MSRB3: variants seen among roughly 807,000 people sequenced by gnomAD.
MSRB3 encodes methionine sulfoxide reductase B3, also known as methionine-R-sulfoxide reductase B3.
MSRB3 carries 13 observed loss-of-function variants against 21.0 expected under a neutral mutation model. The observed-to-expected ratio is 0.62, with a 90% confidence interval of 0.40 to 0.98. The LOEUF is 0.98. Ranked by LOEUF, MSRB3 falls within the 50% of genes least tolerant of loss-of-function variation. MSRB3 has a pLI of 0.00. For synonymous variants in MSRB3, 87 were observed against 88.6 expected (o/e 0.98, Z 0.10); for missense variants, 199 against 230.3 (o/e 0.86, Z 0.88).
intron 1 of MSRB3, chr12:65,286,451 A>T (rs1281918439): frequency 2.6e-5 from 4 of 152,212 alleles, no homozygotes; most frequent in African/African-American, 4.8e-5. Flanking sequence ...AATACTTTTT[A>T]AAAATTATAT....
At chr12:65,410,599 G>A (rs1375262861) in intron 5 of MSRB3, among the ~76,000 whole-genome samples, 13 of 152,066 alleles carry the variant, frequency 8.5e-5, no homozygotes, top group African/African-American at 3.1e-4. Context: ...AGCTAAGATC[G>A]CTCCACTACA....
At chr12:65,288,827 CTG>C (rs1872530243) in intron 1 of MSRB3, among the ~76,000 whole-genome samples, 1 of 152,070 alleles carries the variant, frequency 6.6e-6, no homozygotes, top group African/African-American at 2.4e-5. Context: ...AAAAACTTCA[CTG>C]TGAGTTTTAA....
At chr12:65,281,264 A>G (rs985636843) in intron 1 of MSRB3, among the ~76,000 whole-genome samples, 4 of 152,046 alleles carry the variant, frequency 2.6e-5, no homozygotes, top group Non-Finnish European at 5.9e-5. Flanking sequence ...AATTTATCAT[A>G]GTTATGGATT....
intron 1 of MSRB3, among the ~76,000 whole-genome samples, chr12:65,301,199 T>C (rs926013806): frequency 1.3e-5 from 2 of 152,162 alleles, no homozygotes; most frequent in African/African-American, 4.8e-5. Context: ...TTAAATAATA[T>C]ATATGGAGAC....
At chr12:65,338,202 A>G (rs1267079593) in intron 4 of MSRB3, among the ~76,000 whole-genome samples, 1 of 151,620 alleles carries the variant, frequency 6.6e-6, no homozygotes, top group African/African-American at 2.4e-5. Flanking sequence ...TTTTTTTTGT[A>G]TTTTCTGATT....
intron 5 of MSRB3, among the ~76,000 whole-genome samples, chr12:65,410,060 A>G (rs1322774880): frequency 6.6e-6 from 1 of 151,912 alleles, no homozygotes; most frequent in Non-Finnish European, 1.5e-5. Context: ...TTTGAAACCT[A>G]GTTTGTCATT....
chr12:65,429,691 C>T (rs1249186452), intron 5 of MSRB3, among the ~76,000 whole-genome samples: 1 of 152,066 alleles, frequency 6.6e-6, no homozygotes, highest in Non-Finnish European at 1.5e-5. Context: ...TGGGATTTTA[C>T]CAGATCTGGA....
At chr12:65,383,716 A>G (rs1879063777) in intron 5 of MSRB3, among the ~76,000 whole-genome samples, 1 of 148,902 alleles carries the variant, frequency 6.7e-6, no homozygotes, top group Non-Finnish European at 1.5e-5. Flanking sequence ...GCTAGAGTGC[A>G]GTGGCATGAT....
At chr12:65,341,496 A>G (rs1181676664) in intron 4 of MSRB3, among the ~76,000 whole-genome samples, 1 of 151,862 alleles carries the variant, frequency 6.6e-6, no homozygotes, top group Non-Finnish European at 1.5e-5. Context: ...TGAGACCTAG[A>G]ATTTGCTAGC....
At chr12:65,298,116 G>A (rs537944916) in intron 1 of MSRB3, among the ~76,000 whole-genome samples, 2 of 151,978 alleles carry the variant, frequency 1.3e-5, no homozygotes, top group Admixed American at 6.6e-5. Flanking sequence ...CAATCCTCCC[G>A]CCTCAGCGTT....
At chr12:65,357,914 G>A (rs755106289) in intron 4 of MSRB3, among the ~76,000 whole-genome samples, 21 of 151,832 alleles carry the variant, frequency 1.4e-4, no homozygotes, top group Non-Finnish European at 2.9e-4. Flanking sequence ...TGTTTGTTAG[G>A]TTTCTTCACT....
chr12:65,333,142 T>G (rs1273012666), intron 4 of MSRB3, among the ~76,000 whole-genome samples: 1 of 152,232 alleles, frequency 6.6e-6, no homozygotes, highest in African/African-American at 2.4e-5. Context: ...TGACCATTTA[T>G]ATTTTGCTTT....
chr12:65,309,356 A>G (rs1045879875), intron 2 of MSRB3, among the ~76,000 whole-genome samples: 2 of 152,194 alleles, frequency 1.3e-5, no homozygotes, highest in East Asian at 3.8e-4. Flanking sequence ...GTGATTATCA[A>G]TATTATTTAC....
intron 4 of MSRB3, among the ~76,000 whole-genome samples, chr12:65,368,751 A>G (rs1349002789): frequency 1.3e-5 from 2 of 152,150 alleles, no homozygotes; most frequent in African/African-American, 2.4e-5. Flanking sequence ...GTTTCACCCA[A>G]AAACAAATTT....
chr12:65,302,789 A>G (rs1945160484), intron 1 of MSRB3, among the ~76,000 whole-genome samples: 1 of 152,202 alleles, frequency 6.6e-6, no homozygotes, highest in South Asian at 2.1e-4. Flanking sequence ...GTTGATAAGA[A>G]CAAAGATTTT....
intron 4 of MSRB3, among the ~76,000 whole-genome samples, chr12:65,337,875 A>G (rs887426122): frequency 6.6e-6 from 1 of 152,208 alleles, no homozygotes; most frequent in East Asian, 1.9e-4. Flanking sequence ...TATAACTTAC[A>G]TGAGTAACTC....
At chr12:65,288,707 A>T (rs1191728681) in intron 1 of MSRB3, among the ~76,000 whole-genome samples, 1 of 152,180 alleles carries the variant, frequency 6.6e-6, no homozygotes, top group Non-Finnish European at 1.5e-5. Context: ...TAGATTTCAG[A>T]TGAGAAAAGT....
intron 4 of MSRB3, among the ~76,000 whole-genome samples, chr12:65,333,187 A>C (rs1285462789): frequency 1.3e-5 from 2 of 152,236 alleles, no homozygotes; most frequent in African/African-American, 4.8e-5. Flanking sequence ...GGAATAAATA[A>C]AATAAATTTA....
chr12:65,422,782 A>G (rs1319783906), intron 5 of MSRB3, among the ~76,000 whole-genome samples: 1 of 151,718 alleles, frequency 6.6e-6, no homozygotes, highest in African/African-American at 2.4e-5. Flanking sequence ...CCATTGTTAA[A>G]TTTATTTCTA....
Sources: allele counts gnomAD v4.1 joint callset (sites outside exome capture counted in the v4.1 genomes callset), GRCh38; gene constraint gnomAD v4.1.1; transcripts MANE v1.5; gene names NCBI Gene and HGNC (gene_info 2026-07-23, HGNC 2026-07-21).